OSBPL8: variants seen among roughly 807,000 people sequenced by gnomAD.
OSBPL8 encodes the protein oxysterol binding protein like 8.
A neutral mutation model predicts 125.5 loss-of-function variants in OSBPL8; 59 were observed. The observed-to-expected ratio is 0.47, with a 90% CI of 0.38 to 0.58. The LOEUF is 0.58. Among genes scored for constraint, OSBPL8 ranks in the 20% least tolerant of loss-of-function variants. The pLI, the probability that OSBPL8 is intolerant of heterozygous loss-of-function variation, is 0.00. For missense variants in OSBPL8, 758 were observed against 1,047.8 expected, an observed-to-expected ratio of 0.72 and a Z score of 3.82; for synonymous variants, 330 against 338.9, an observed-to-expected ratio of 0.97 and a Z score of 0.29.
At chr12:76,487,021 A>ATTTTTTTTT (rs63178360) in intron 2 of OSBPL8, among the ~76,000 whole-genome samples, 4 of 101,890 alleles carry the variant, frequency 3.9e-5, no homozygotes, top group African/African-American at 1.2e-4. Context: ...TGCAATTTTC[A>ATTTTTTTTT]TTTTTTTTTT....
At chr12:76,393,905 A>G (rs1019303846) in intron 9 of OSBPL8, among the ~76,000 whole-genome samples, 3 of 151,924 alleles carry the variant, frequency 2.0e-5, no homozygotes, top group African/African-American at 7.3e-5. Flanking sequence ...CTGTAATCCC[A>G]GCTACCCGGG....
At chr12:76,479,349 AT>A (rs1877192236) in intron 2 of OSBPL8, among the ~76,000 whole-genome samples, 2 of 152,158 alleles carry the variant, frequency 1.3e-5, no homozygotes, top group South Asian at 4.1e-4. Context: ...TGCACACAAA[AT>A]TTTTTTAAAA....
At chr12:76,463,925 G>A (rs775597201) in intron 2 of OSBPL8, among the ~76,000 whole-genome samples, 2 of 152,180 alleles carry the variant, frequency 1.3e-5, no homozygotes, top group Non-Finnish European at 2.9e-5. Flanking sequence ...TAGGACCTGG[G>A]TCAAATTTGT....
At chr12:76,464,201 C>CGGGGGCG in intron 2 of OSBPL8, among the ~76,000 whole-genome samples, 2 of 152,094 alleles carry the variant, frequency 1.3e-5, no homozygotes, top group African/African-American at 4.8e-5. Context: ...CCCAGGAGTT[C>CGGGGGCG]AAGGCTGCAG....
intron 2 of OSBPL8, among the ~76,000 whole-genome samples, chr12:76,474,442 T>C (rs1225853838): frequency 6.6e-6 from 1 of 152,052 alleles, no homozygotes; most frequent in Non-Finnish European, 1.5e-5. Flanking sequence ...CATACATATA[T>C]ATATATAATT....
In OSBPL8 at chr12:76,355,208, G is replaced by C. The variant is rs983075510; in HGVS notation, c.*681C>G. On this transcript the variant is annotated 3_prime_UTR_variant, in exon 24 of 24. Coordinates refer to ENST00000261183, the MANE Select transcript of OSBPL8 (RefSeq NM_020841.5). Reference sequence around the variant, plus strand: ...CCAGTGTTTTTATACTGATATACACGTAAGTATATATATTTACCTGCATCT... The same window carrying C: ...CCAGTGTTTTTATACTGATATACACCTAAGTATATATATTTACCTGCATCT... 7 of 152,290 alleles carry C rather than the reference G, an allele frequency of 4.6e-5. No homozygotes were observed. Among genetic ancestry groups the C allele is most frequent in the Admixed American group, 2.0e-4 (3 of 15,250 alleles). 9.4% of individuals were successfully genotyped at this position (152,290 alleles called of 1,614,324 possible).
Position 76,403,782 on chromosome 12 carries a change from G to C in OSBPL8, c.289-1016C>G, listed in dbSNP as rs376716721. ...CGGCCAGATGTGCATAATACCACTA[G>C]ATATCATCAAGGATACACACCTTTG... On this transcript the variant is annotated intron_variant, in intron 5 of 23. Transcript: ENST00000261183. 1.1e-4 allele frequency among the ~76,000 whole-genome samples: 16 copies of C among 152,168 alleles called. No individual in the cohort carries two copies. In the East Asian group the frequency reaches 1.4e-3, roughly 13 times the overall value.
At chr12:76,415,407 C>T (rs1355430990) in intron 4 of OSBPL8, among the ~76,000 whole-genome samples, 1 of 151,916 alleles carries the variant, frequency 6.6e-6, no homozygotes, top group Admixed American at 6.6e-5. Flanking sequence ...GCCACCAGGC[C>T]CAGCTAATTT....
chr12:76,372,696 C>A (rs1459370944), intron 18 of OSBPL8, among the ~76,000 whole-genome samples: 2 of 152,104 alleles, frequency 1.3e-5, no homozygotes, highest in Non-Finnish European at 2.9e-5. Flanking sequence ...CCATGCAGTA[C>A]CATGATTCTT....
Position 76,392,603 on chromosome 12 carries a change from G to A in OSBPL8, c.907C>T (p.Leu303Phe), listed in dbSNP as rs377725826. ...TFYGLLRANN[L>F]HSGDNFQLND... ...TACTGGAAGTTATCACCACTGTGGA[G>A]ATTGTTAGCACGTAGTAAGCCATAG... Residue 303 changes from leucine to phenylalanine, a missense_variant, in exon 10 of 24, where the codon CTC becomes TTC. Coordinates refer to ENST00000261183, the MANE Select transcript of OSBPL8 (RefSeq NM_020841.5). 12 of 1,613,012 alleles carry A rather than the reference G, an allele frequency of 7.4e-6. No individual in the cohort carries two copies. Among genetic ancestry groups the A allele is most frequent in the African/African-American group, 4.0e-5 (3 of 74,938 alleles).
At chr12:76,375,740 T>TAA (rs750205629) in intron 16 of OSBPL8, among the ~76,000 whole-genome samples, 16 of 124,904 alleles carry the variant, frequency 1.3e-4, no homozygotes, top group East Asian at 7.0e-4. Context: ...CCACATTGTT[T>TAA]TAAAAAAAAA....
intron 11 of OSBPL8, 46 bp downstream of exon 11, chr12:76,390,374 C>A: frequency 6.7e-6 from 9 of 1,333,858 alleles, no homozygotes; most frequent in South Asian, 4.0e-5. Context: ...TTAAGAATTC[C>A]CAAGAATATG....
At chr12:76,383,648 T>C (rs1953160101) in intron 15 of OSBPL8, among the ~76,000 whole-genome samples, 1 of 152,168 alleles carries the variant, frequency 6.6e-6, no homozygotes, top group Non-Finnish European at 1.5e-5. Flanking sequence ...AATTTAATTG[T>C]TCTTCTTCAT....
At chr12:76,443,587 C>T (rs145930753) in intron 4 of OSBPL8, among the ~76,000 whole-genome samples, 54 of 152,280 alleles carry the variant, frequency 3.5e-4, no homozygotes, top group Middle Eastern at 3.4e-3. Context: ...TGGCTCACTG[C>T]AACCTCTGCC....
At chr12:76,408,794 G>GC (rs1390698921) in intron 5 of OSBPL8, among the ~76,000 whole-genome samples, 2 of 151,814 alleles carry the variant, frequency 1.3e-5, no homozygotes, top group African/African-American at 2.4e-5. Context: ...GTTCCTCCCC[G>GC]CCCCCCATTA....
intron 1 of OSBPL8, among the ~76,000 whole-genome samples, chr12:76,505,484 A>T (rs1349149116): frequency 6.6e-6 from 1 of 152,200 alleles, no homozygotes; most frequent in Non-Finnish European, 1.5e-5. Flanking sequence ...ATAATTTTTT[A>T]AAATTAAACA....
intron 5 of OSBPL8, 36 bp downstream of exon 5, chr12:76,410,526 AAT>A: frequency 4.2e-6 from 6 of 1,439,334 alleles, no homozygotes; most frequent in African/African-American, 1.4e-5. Context: ...AAATATTAAG[AAT>A]ATGTCATAAT....
At chr12:76,463,775 T>C (rs1875034031) in intron 2 of OSBPL8, among the ~76,000 whole-genome samples, 1 of 152,048 alleles carries the variant, frequency 6.6e-6, no homozygotes, top group South Asian at 2.1e-4. Context: ...CCTTCCAGAG[T>C]TGCTTGTAAG....
At chr12:76,382,580 A>G (rs1266169525) in intron 15 of OSBPL8, among the ~76,000 whole-genome samples, 3 of 152,054 alleles carry the variant, frequency 2.0e-5, no homozygotes, top group Non-Finnish European at 2.9e-5. Flanking sequence ...TTACAATATT[A>G]ATCTTTAAAA....
Sources: allele counts gnomAD v4.1 joint callset (sites outside exome capture counted in the v4.1 genomes callset), GRCh38; gene constraint gnomAD v4.1.1; transcripts MANE v1.5; gene names NCBI Gene and HGNC (gene_info 2026-07-23, HGNC 2026-07-21).